The following VWA1 variants were observed in gnomAD, a reference collection of about 807,000 sequenced individuals.
VWA1 encodes von Willebrand factor A domain-containing protein 1.
A neutral mutation model predicts 14.9 loss-of-function variants in VWA1; 12 were observed. The ratio of observed to expected loss-of-function variants is 0.80; its 90% CI spans 0.52 to 1.30. The LOEUF (loss-of-function observed/expected upper bound fraction) is 1.30. Among genes scored for constraint, VWA1 ranks in the 50% most tolerant of loss-of-function variants. The pLI is 0.00. For missense variants in VWA1, 800 were observed against 649.1 expected (o/e 1.23, Z -2.53); for synonymous variants, 368 against 310.7 (o/e 1.18, Z -1.94).
chr1:1,436,791 C>T (rs1233916383), intron 1 of VWA1, 136 bp from the exon 2 acceptor site: 1 of 895,810 alleles, frequency 1.1e-6, no homozygotes, highest in South Asian at 1.8e-5. Flanking sequence ...TAGAGTTCCT[C>T]TTTCCCCCAA....
In VWA1 at chr1:1,439,871, G is replaced by T. The variant is rs934416466; in HGVS notation, c.*84G>T. 9.7e-6 allele frequency: 10 copies of T among 1,033,800 alleles called. No individual in the cohort carries two copies. The highest frequency in any genetic ancestry group is 1.2e-5 in the Non-Finnish European group (10 of 861,172). The allele number at this position is 1,033,800 out of a possible 1,614,324, so 64.0% of individuals were successfully genotyped here. On this transcript the variant is annotated 3_prime_UTR_variant, in exon 3 of 3. Coordinates refer to ENST00000476993, the MANE Select transcript of VWA1 (RefSeq NM_022834.5). ...AACCCGGAGCGGAGGCGCCCAACCC[G>T]GCAGACGGGTGCAGGCCCGGCCTTT...
rs1570129695 is a variant in VWA1, at chr1:1,441,937, C to T, written c.*2150C>T. The T allele has an allele frequency of 6.6e-6, 1 of 152,466 alleles. No homozygotes were observed. Among genetic ancestry groups the T allele is most frequent in the East Asian group, 1.9e-4 (1 of 5,186 alleles). 9.4% of individuals were successfully genotyped at this position (152,466 alleles called of 1,614,324 possible). A position where few individuals can be genotyped will look rare whatever the true frequency, so the allele number is the denominator to read the frequency against. On this transcript the variant is annotated 3_prime_UTR_variant, in exon 3 of 3. Transcript: ENST00000476993. ...CCCGTCTGGCAGAGGCTCTGCCTCC[C>T]CTCTGCCCATCTCTGCACACCAAGG... is the stretch of plus-strand genomic sequence containing the variant.
In VWA1 at chr1:1,439,575, G is replaced by C; in HGVS notation, c.1126G>C (p.Ala376Pro). 2 of 1,304,844 alleles carry C rather than the reference G, an allele frequency of 1.5e-6. No individual in the cohort carries two copies. Among genetic ancestry groups the C allele is most frequent in the Non-Finnish European group, 1.9e-6 (2 of 1,028,968 alleles). 80.8% of individuals were successfully genotyped at this position (1,304,844 alleles called of 1,614,324 possible). A position where few individuals can be genotyped will look rare whatever the true frequency, so the allele number is the denominator to read the frequency against. The change falls in exon 3 of 3, where the codon GCG becomes CCG. Residue 376 changes from alanine (A) to proline (P), a missense_variant. By Grantham distance (27) the Ala-to-Pro change is conservative. Transcript: ENST00000476993. The stretch of plus-strand genomic sequence containing the variant: ...GTTCGGGCCGCTGCGGGGCGGGGAG[G>C]CGCAGCGGGTGGAGGTGCCCGCGGG... ...VQFGPLRGGE[A>P]QRVEVPAGRN...
rs1178428234 is a variant in VWA1 at position 1,439,422 on chromosome 1, G to A, written c.973G>A (p.Ala325Thr). Residue 325 changes from alanine (A) to threonine (T), a missense_variant, in exon 3 of 3, where the codon GCC becomes ACC. Transcript: ENST00000476993. ...SGAGPAPTQL[A>T]ALPAPEEAGP... ...GGCTGGGCCGGCCCCCACGCAGCTC[G>A]CCGCCCTCCCCGCCCCAGAGGAGGC... The A allele has an allele frequency of 9.3e-5, 131 of 1,411,288 alleles. No homozygotes were observed. The highest frequency in any genetic ancestry group is 1.1e-4 in the Non-Finnish European group (125 of 1,095,262). 87.4% of individuals were successfully genotyped at this position (1,411,288 alleles called of 1,614,324 possible).
chr1:1,439,736 A>C lies in VWA1; in HGVS notation c.1287A>C (p.Pro429=). The C allele has an allele frequency of 1.8e-6, 2 of 1,116,290 alleles. No individual in the cohort carries two copies. Among genetic ancestry groups the C allele is most frequent in the Non-Finnish European group, 2.2e-6 (2 of 914,346 alleles). The allele number at this position is 1,116,290 out of a possible 1,614,324, so 69.1% of individuals were successfully genotyped here. A position where few individuals can be genotyped will look rare whatever the true frequency, so the allele number is the denominator to read the frequency against. ...ACTPDGPRPR[P]RPVPRAPTPG... ...CGCCCGACGGCCCGCGCCCGCGCCC[A>C]CGCCCCGTGCCCCGCGCCCCGACCC... The change falls in exon 3 of 3, where the codon CCA becomes CCC. Residue 429 remains proline (P), a synonymous_variant. Transcript: ENST00000476993.
In VWA1 at chr1:1,439,194, C is replaced by T. The variant is rs1638604999; in HGVS notation, c.745C>T (p.Pro249Ser). The part of the protein sequence containing the change: ...DSGYYVLELV[P>S]SAQPGAARRQ... ...GGGCTACTATGTGCTGGAGCTGGTGCCCAGCGCCCAGCCGGGGGCTGCAAG... is the reference window on the plus strand; with the variant it reads ...GGGCTACTATGTGCTGGAGCTGGTGTCCAGCGCCCAGCCGGGGGCTGCAAG... Residue 249 changes from proline to serine, a missense_variant, in exon 3 of 3, where the codon CCC becomes TCC. Pro to Ser is a moderately conservative substitution (Grantham distance 74). Coordinates refer to ENST00000476993, the MANE Select transcript of VWA1 (RefSeq NM_022834.5). The T allele has an allele frequency of 1.9e-6, 3 of 1,606,026 alleles. No homozygotes were observed. The highest frequency in any genetic ancestry group is 1.7e-6 in the Non-Finnish European group (2 of 1,179,300).
rs531637893 is a variant in VWA1 at position 1,436,690 on chromosome 1, C to T, written c.74-237C>T. 1.2e-5 allele frequency: 6 copies of T among 497,988 alleles called. No individual in the cohort carries two copies. The East Asian group carries it at 1.7e-4, about 14-fold the overall frequency. The allele number at this position is 497,988 out of a possible 1,614,324, so 30.8% of individuals were successfully genotyped here. ...TGGGGGCTTGGAGCGGAGAGTCGCC[C>T]TCTCACAGATGGGATAACACAAGCC... On this transcript the variant is annotated intron_variant, in intron 1 of 2. Transcript: ENST00000476993.
At position 1,439,360 on chromosome 1, in the gene VWA1, G is replaced by C. The variant is rs771589433; in HGVS notation, c.911G>C (p.Gly304Ala). ...PQILRVRTRPGEAGPGASGPE... is the reference protein window; with the variant it reads ...PQILRVRTRPAEAGPGASGPE... ...ATCCTGCGGGTGCGCACGCGGCCCG[G>C]TGAGGCAGGGCCGGGGGCTTCGGGC... The change falls in exon 3 of 3, where the codon GGT becomes GCT. Residue 304 changes from glycine (G) to alanine (A), a missense_variant. Physicochemically the swap from Gly to Ala is moderately conservative, Grantham distance 60. Transcript: ENST00000476993. 2 of 1,541,344 alleles carry C rather than the reference G, an allele frequency of 1.3e-6. No homozygotes were observed. The highest frequency in any genetic ancestry group is 8.7e-7 in the Non-Finnish European group (1 of 1,150,038).
Position 1,437,362 on chromosome 1 carries a change from C to A in VWA1, c.509C>A (p.Thr170Asn). ...GGCGTCACCGTGTTCATTGTCAGCA[C>A]CGGCCGAGGCAACTTCCTGGAGCTG... ...DLGVTVFIVS[T>N]GRGNFLELSA... The change falls in exon 2 of 3, where the codon ACC becomes AAC. Residue 170 changes from threonine to asparagine, a missense_variant. Thr to Asn is a moderately conservative substitution (Grantham distance 65). Coordinates refer to ENST00000476993, the MANE Select transcript of VWA1 (RefSeq NM_022834.5). 5 of 1,612,752 alleles carry A rather than the reference C, an allele frequency of 3.1e-6. No individual in the cohort carries two copies. The highest frequency in any genetic ancestry group is 1.7e-6 in the Non-Finnish European group (2 of 1,179,958).
chr1:1,437,454 A>G lies in VWA1; in HGVS notation c.601A>G (p.Ile201Val), dbSNP rs776671687. Residue 201 changes from isoleucine to valine, a missense_variant, in exon 2 of 3, where the codon ATT becomes GTT. Physicochemically the swap from Ile to Val is conservative, Grantham distance 29. Transcript: ENST00000476993. ...HFVDVDDLHI[I>V]VQELRGSILD... is the part of the protein sequence containing the mutation. ...TGTGGACGTGGATGACCTGCACATC[A>G]TTGTCCAAGAGCTGAGGGGCTCCAT... 13 of 1,610,396 alleles carry G rather than the reference A, an allele frequency of 8.1e-6. No homozygotes were observed. The highest frequency in any genetic ancestry group is 1.7e-6 in the Non-Finnish European group (2 of 1,178,250).
rs1306312380 is a variant in VWA1, at chr1:1,439,723, C to T, written c.1274C>T (p.Pro425Leu). 3 of 1,131,864 alleles carry T rather than the reference C, an allele frequency of 2.7e-6. No individual in the cohort carries two copies. Among genetic ancestry groups the T allele is most frequent in the Non-Finnish European group, 2.2e-6 (2 of 923,218 alleles). 70.1% of individuals were successfully genotyped at this position (1,131,864 alleles called of 1,614,324 possible). ...LSAKACTPDG[P>L]RPRPRPVPRA... ...GCCAAGGCCTGCACGCCCGACGGCC[C>T]GCGCCCGCGCCCACGCCCCGTGCCC... The change falls in exon 3 of 3, where the codon CCG becomes CTG. Residue 425 changes from proline (P) to leucine (L), a missense_variant. Transcript: ENST00000476993.
Position 1,441,847 on chromosome 1 carries a change from G to A in VWA1, c.*2060G>A, listed in dbSNP as rs1235671059. On this transcript the variant is annotated 3_prime_UTR_variant, in exon 3 of 3. Transcript: ENST00000476993. ...AGACTCACATGAGAAGCTGGGAGGA[G>A]CTCCAGCTCTGCAATCCCGAGAGGG... The A allele has an allele frequency of 2.0e-5, 3 of 152,166 alleles. No homozygotes were observed. The highest frequency in any genetic ancestry group is 4.4e-5 in the Non-Finnish European group (3 of 68,042). The allele number at this position is 152,166 out of a possible 1,614,324, so 9.4% of individuals were successfully genotyped here.
At position 1,437,209 on chromosome 1, in the gene VWA1, A is replaced by C; in HGVS notation, c.356A>C (p.Tyr119Ser). 1 of 1,611,888 alleles carries C rather than the reference A, an allele frequency of 6.2e-7. No individual in the cohort carries two copies. Among genetic ancestry groups the C allele is most frequent in the African/African-American group, 1.3e-5 (1 of 75,048 alleles). ...GDTHTGLALV[Y>S]AKEQLFAEAS... Reference sequence around the variant, plus strand: ...ACCCACACTGGCCTGGCGCTGGTCTATGCCAAGGAACAGCTGTTTGCTGAA... The same window carrying C: ...ACCCACACTGGCCTGGCGCTGGTCTCTGCCAAGGAACAGCTGTTTGCTGAA... Residue 119 changes from tyrosine (Y) to serine (S), a missense_variant, in exon 2 of 3, where the codon TAT (tyrosine) becomes TCT (serine). Physicochemically the swap from Tyr to Ser is moderately radical, Grantham distance 144 (BLOSUM62 -2). Coordinates refer to ENST00000476993, the MANE Select transcript of VWA1 (RefSeq NM_022834.5).
At chr1:1,437,508 A>C in intron 2 of VWA1, 24 bp downstream of exon 2, 1 of 1,579,576 alleles carries the variant, frequency 6.3e-7, no homozygotes, top group East Asian at 2.2e-5. Flanking sequence ...GGCAGGGCCC[A>C]GGGAGCCCTA....
In VWA1 at chr1:1,437,092, G is replaced by A; in HGVS notation, c.239G>A (p.Ser80Asn). The change falls in exon 2 of 3, where the codon AGT (serine) becomes AAT (asparagine). Residue 80 changes from serine to asparagine, a missense_variant. By Grantham distance (46) the Ser-to-Asn change is conservative (BLOSUM62 1). Transcript: ENST00000476993. ...CGTGCCAGTCTGGTGCACGTGGGCA[G>A]TCGGCCATACACCGAGTTCCCCTTC... is the stretch of plus-strand genomic sequence containing the variant. ...ALRASLVHVG[S>N]RPYTEFPFGQ... is the part of the protein sequence containing the mutation. 6.2e-7 allele frequency: 1 copy of A among 1,606,914 alleles called. No individual in the cohort carries two copies. Among genetic ancestry groups the A allele is most frequent in the Non-Finnish European group, 8.5e-7 (1 of 1,175,918 alleles).
Position 1,437,143 on chromosome 1 carries a change from C to G in VWA1, c.290C>G (p.Ala97Gly), listed in dbSNP as rs545766990. ...PFGQHSSGEA[A>G]QDAVRASAQR... ...GGCCAGCACAGCTCGGGTGAGGCTGCCCAGGATGCGGTGCGTGCTTCTGCC... is the reference window on the plus strand; with the variant it reads ...GGCCAGCACAGCTCGGGTGAGGCTGGCCAGGATGCGGTGCGTGCTTCTGCC... Residue 97 changes from alanine (A) to glycine (G), a missense_variant, in exon 2 of 3, where the codon GCC becomes GGC. Transcript: ENST00000476993. 5 of 1,607,038 alleles carry G rather than the reference C, an allele frequency of 3.1e-6. No individual in the cohort carries two copies. Among genetic ancestry groups the G allele is most frequent in the Non-Finnish European group, 4.3e-6 (5 of 1,175,918 alleles).
chr1:1,435,812 G>T lies in VWA1; in HGVS notation c.64G>T (p.Ala22Ser). The change falls in exon 1 of 3, where the codon GCG (alanine) becomes TCG (serine). Residue 22 changes from alanine (A) to serine (S), a missense_variant. Transcript: ENST00000476993. Reference sequence around the variant, plus strand: ...GCGGCTGGCGCTGGCGCGGAGCGGCGCGGAGCGCGGTGAGTGCGGCGGGCG... The same window carrying T: ...GCGGCTGGCGCTGGCGCGGAGCGGCTCGGAGCGCGGTGAGTGCGGCGGGCG... ...SLRLALARSG[A>S]ERGPPASAPR... The T allele has an allele frequency of 8.4e-7, 1 of 1,183,532 alleles. No individual in the cohort carries two copies. Among genetic ancestry groups the T allele is most frequent in the Middle Eastern group, 3.4e-4 (1 of 2,954 alleles). The allele number at this position is 1,183,532 out of a possible 1,614,324, so 73.3% of individuals were successfully genotyped here.
At position 1,435,798 on chromosome 1, in the gene VWA1, T is replaced by C; in HGVS notation, c.50T>C (p.Leu17Pro). 1.7e-6 allele frequency: 2 copies of C among 1,202,554 alleles called. No individual in the cohort carries two copies. The highest frequency in any genetic ancestry group is 2.1e-6 in the Non-Finnish European group (2 of 966,328). 74.5% of individuals were successfully genotyped at this position (1,202,554 alleles called of 1,614,324 possible). The change falls in exon 1 of 3, where the codon CTG becomes CCG. Residue 17 changes from leucine (L) to proline (P), a missense_variant. Transcript: ENST00000476993. The stretch of plus-strand genomic sequence containing the variant: ...CTGGCCCTGAGCTTGCGGCTGGCGC[T>C]GGCGCGGAGCGGCGCGGAGCGCGGT... ...LGLALSLRLA[L>P]ARSGAERGPP...
chr1:1,437,614 A>T, intron 2 of VWA1, 130 bp downstream of exon 2: 1 of 1,164,134 alleles, frequency 8.6e-7, no homozygotes, highest in Admixed American at 2.6e-5. Context: ...TGGTACCCCT[A>T]GGGTGCAGGG....
Sources: gnomAD v4.1 joint callset for allele counts on GRCh38, gnomAD v4.1.1 for gene constraint, MANE v1.5 for transcripts, NCBI Gene and HGNC (gene_info 2026-07-23, HGNC 2026-07-21) for gene names.